CNOT1: variants seen among roughly 807,000 people sequenced by gnomAD.
CNOT1 encodes CCR4-NOT transcription complex subunit 1.
A neutral mutation model predicts 273.8 loss-of-function variants in CNOT1; 15 were observed. The observed-to-expected ratio is 0.05, with a 90% CI of 0.04 to 0.08. The LOEUF is 0.08. CNOT1 is among the 10% of genes least tolerant of loss of function. The pLI is 1.00. For missense variants in CNOT1, 1,644 were observed against 2,912.2 expected (o/e 0.56, Z 10.02); for synonymous variants, 1,022 against 1,005.5 (o/e 1.02, Z -0.31).
At chr16:58,593,357 C>T (rs2042130857) in intron 2 of CNOT1, among the ~76,000 whole-genome samples, 1 of 151,998 alleles carries the variant, frequency 6.6e-6, no homozygotes, top group Non-Finnish European at 1.5e-5. Context: ...GTCGGGAGTT[C>T]GAGACCGGCC....
At chr16:58,551,298 A>G in intron 23 of CNOT1, 26 bp from the exon 24 acceptor site, 1 of 1,550,272 alleles carries the variant, frequency 6.5e-7, no homozygotes, top group South Asian at 1.2e-5. Context: ...AAAGTACATA[A>G]GGCAAATAAG....
intron 13 of CNOT1, among the ~76,000 whole-genome samples, chr16:58,577,064 G>GA (rs1335096504): frequency 6.7e-6 from 1 of 148,410 alleles, no homozygotes; most frequent in Non-Finnish European, 1.5e-5. Context: ...CCACAAACAA[G>GA]AATCTTTGAT....
chr16:58,624,271 T>G (rs758163868), intron 1 of CNOT1, among the ~76,000 whole-genome samples: 1 of 152,304 alleles, frequency 6.6e-6, no homozygotes. Context: ...AATAGCTTGC[T>G]TGATGCGCAG....
intron 29 of CNOT1, 56 bp from the exon 30 acceptor site, chr16:58,545,547 A>G: frequency 1.2e-6 from 2 of 1,605,498 alleles, no homozygotes; most frequent in East Asian, 2.2e-5. Context: ...ACTTTATTAT[A>G]AAATTAGCTT....
intron 2 of CNOT1, among the ~76,000 whole-genome samples, chr16:58,594,714 A>G (rs2042187620): frequency 6.6e-6 from 1 of 151,838 alleles, no homozygotes; most frequent in African/African-American, 2.4e-5. Context: ...AGGCTTGGAA[A>G]TCACTTGAAC....
chr16:58,533,928 G>C (rs559829258), intron 40 of CNOT1, among the ~76,000 whole-genome samples: 1 of 152,218 alleles, frequency 6.6e-6, no homozygotes, highest in East Asian at 1.9e-4. Context: ...CCAGAAGTTT[G>C]AGACCAGCTT....
At chr16:58,546,300 T>G (rs112140824) in intron 29 of CNOT1, 21 bp downstream of exon 29, 4 of 1,602,882 alleles carry the variant, frequency 2.5e-6, no homozygotes, top group Non-Finnish European at 3.4e-6. Flanking sequence ...GAAGCCTTCC[T>G]TGACTAATTA....
intron 1 of CNOT1, among the ~76,000 whole-genome samples, chr16:58,612,245 G>C (rs2042927594): frequency 6.6e-6 from 1 of 152,100 alleles, no homozygotes; most frequent in Admixed American, 6.6e-5. Context: ...AAGACAAGTA[G>C]GCAAGACCCA....
chr16:58,576,669 C>G, intron 13 of CNOT1, 87 bp from the exon 14 acceptor site: 2 of 1,560,340 alleles, frequency 1.3e-6, no homozygotes, highest in Non-Finnish European at 8.7e-7. Flanking sequence ...TTTGCTAGAA[C>G]TTGTATAAAA....
chr16:58,601,641 A>G (rs1345951517), intron 1 of CNOT1, among the ~76,000 whole-genome samples: 1 of 151,802 alleles, frequency 6.6e-6, no homozygotes, highest in Non-Finnish European at 1.5e-5. Flanking sequence ...ATCAAGACAA[A>G]GCAAAGTTAA....
intron 42 of CNOT1, among the ~76,000 whole-genome samples, chr16:58,531,393 T>C (rs2039774294): frequency 6.6e-6 from 1 of 152,232 alleles, no homozygotes; most frequent in African/African-American, 2.4e-5. Flanking sequence ...ATGTTAACTG[T>C]GTTGTATTAC....
chr16:58,587,934 G>C (rs1419781394), intron 3 of CNOT1, 56 bp from the exon 4 acceptor site: 1 of 1,491,296 alleles, frequency 6.7e-7, no homozygotes. Context: ...AGAACAAACA[G>C]AAGCTGAGGT....
At chr16:58,587,542 T>G in intron 4 of CNOT1, 129 bp from the exon 5 acceptor site, 1 of 1,323,908 alleles carries the variant, frequency 7.6e-7, no homozygotes, top group Non-Finnish European at 1.0e-6. Context: ...CTAGAAACAT[T>G]ACACTATGTC....
chr16:58,590,996 C>T (rs922045769), intron 2 of CNOT1, among the ~76,000 whole-genome samples: 1 of 151,996 alleles, frequency 6.6e-6, no homozygotes, highest in Admixed American at 6.6e-5. Context: ...TATCTGTTAA[C>T]AAAAAGAAAG....
chr16:58,575,419 A>C (rs2041423312), intron 14 of CNOT1, among the ~76,000 whole-genome samples: 1 of 152,168 alleles, frequency 6.6e-6, no homozygotes, highest in Non-Finnish European at 1.5e-5. Flanking sequence ...AAGCATGAAT[A>C]ATTATCCCTA....
At position 58,613,842 on chromosome 16, in the gene CNOT1, A is replaced by G. The variant is rs978500223; in HGVS notation, c.-174-14331T>C. Among the ~76,000 whole-genome samples the G allele has an allele frequency of 5.7e-5, 7 of 122,996 alleles. 1 individual carries two copies. The highest frequency in any genetic ancestry group is 1.9e-4 in the African/African-American group (7 of 36,512). The allele number at this position is 122,996 out of a possible 152,430, so 80.7% of individuals were successfully genotyped here. ...GGTGGCTCACGCCTGTAATCCCAGC[A>G]CTTTGGGAGGCCGAGGCGGGTGGAT... On this transcript the variant is annotated intron_variant, in intron 1 of 48. Transcript: ENST00000317147.
chr16:58,629,337 T>C (rs1217545061), intron 1 of CNOT1, among the ~76,000 whole-genome samples: 3 of 151,882 alleles, frequency 2.0e-5, no homozygotes, highest in Admixed American at 6.6e-5. Flanking sequence ...ACAGAAACAG[T>C]AGTTAAGGAG....
At chr16:58,525,473 G>T in intron 45 of CNOT1, 114 bp from the exon 46 acceptor site, 1 of 824,292 alleles carries the variant, frequency 1.2e-6, no homozygotes, top group Non-Finnish European at 1.9e-6. Context: ...CATTTATTGT[G>T]ATTCACTTGC....
At position 58,520,292 on chromosome 16, in the gene CNOT1, G is replaced by C. The variant is rs1324528850; in HGVS notation, c.*666C>G. The C allele has an allele frequency of 1.3e-5, 2 of 152,218 alleles. No homozygotes were observed. The highest frequency in any genetic ancestry group is 4.8e-5 in the African/African-American group (2 of 41,404). 9.4% of individuals were successfully genotyped at this position (152,218 alleles called of 1,614,324 possible). Reference sequence around the variant, plus strand: ...CTGGTCTGGTTTCCCTTTATATAAAGAGCTGACCCCCATCTCAGGCGGCTG... The same window carrying C: ...CTGGTCTGGTTTCCCTTTATATAAACAGCTGACCCCCATCTCAGGCGGCTG... On this transcript the variant is annotated 3_prime_UTR_variant, in exon 49 of 49. Transcript: ENST00000317147.
Sources: allele counts gnomAD v4.1 joint callset (sites outside exome capture counted in the v4.1 genomes callset), GRCh38; gene constraint gnomAD v4.1.1; transcripts MANE v1.5; gene names NCBI Gene and HGNC (gene_info 2026-07-23, HGNC 2026-07-21).